The following NHLRC3 variants were observed in gnomAD, a reference collection of about 807,000 sequenced individuals.
The protein encoded by NHLRC3 is NHL repeat containing 3, also known as NHL repeat-containing protein 3.
Under a neutral mutation model 32.0 loss-of-function variants are expected in NHLRC3, and 23 were observed. That is an observed-to-expected ratio of 0.72 (90% confidence interval 0.52 to 1.02). NHLRC3 has a LOEUF of 1.02. Ranked by LOEUF, NHLRC3 falls within the 50% of genes least tolerant of loss-of-function variation. The pLI is 0.00. For synonymous variants in NHLRC3, 159 were observed against 147.9 expected, an observed-to-expected ratio of 1.08 and a Z score of -0.55; for missense variants, 407 against 406.8, an observed-to-expected ratio of 1.00 and a Z score of -0.01.
intron 4 of NHLRC3, among the ~76,000 whole-genome samples, chr13:39,043,092 T>A (rs1042035147): frequency 6.6e-5 from 10 of 152,204 alleles, no homozygotes; most frequent in African/African-American, 2.4e-4. Flanking sequence ...AGACATTCTT[T>A]TAGGATCTAC....
Position 39,047,876 on chromosome 13 carries a change from G to C in NHLRC3, c.994G>C (p.Val332Leu). ...VYVAEIGAKQ[V>L]QKYVPLNSYV... ...TGTAGCAGAAATTGGAGCAAAACAA[G>C]TACAAAAATATGTCCCTTTGAATAG... The change falls in exon 7 of 7, where the codon GTA (valine) becomes CTA (leucine). Residue 332 changes from valine to leucine, a missense_variant. Val to Leu is a conservative substitution (Grantham distance 32). Coordinates refer to ENST00000379600, the MANE Select transcript of NHLRC3 (RefSeq NM_001012754.4). 1 of 1,613,720 alleles carries C rather than the reference G, an allele frequency of 6.2e-7. No homozygotes were observed. The highest frequency in any genetic ancestry group is 8.5e-7 in the Non-Finnish European group (1 of 1,179,644).
intron 2 of NHLRC3, 121 bp from the exon 3 acceptor site, chr13:39,039,441 GAT>G: frequency 1.8e-6 from 2 of 1,116,644 alleles, no homozygotes; most frequent in Non-Finnish European, 2.5e-6. Context: ...GAATGTGAAA[GAT>G]ATGTTAGATT....
intron 1 of NHLRC3, 175 bp downstream of exon 1, chr13:39,038,898 A>G (rs1322288682): frequency 1.5e-6 from 1 of 660,662 alleles, no homozygotes; most frequent in Non-Finnish European, 2.7e-6. Context: ...TGTGTATGTT[A>G]CATCGCCATT....
chr13:39,044,045 G>A (rs1390671165), intron 4 of NHLRC3, 45 bp from the exon 5 acceptor site: 1 of 1,296,432 alleles, frequency 7.7e-7, no homozygotes, highest in Admixed American at 1.7e-5. Context: ...AAATGCATGA[G>A]ACATTCTATA....
intron 5 of NHLRC3, among the ~76,000 whole-genome samples, chr13:39,046,055 T>C (rs111237407): frequency 0.028 from 4,252 of 152,154 alleles, 89 homozygotes; most frequent in Middle Eastern, 0.048. Context: ...TCCTGCCGGG[T>C]GCGGTGGCTC....
rs902905990 is a variant in NHLRC3 at position 39,048,845 on chromosome 13, TTTTC to T, written c.*923_*926del. The T allele has an allele frequency of 5.2e-5, 8 of 152,616 alleles. No individual in the cohort carries two copies. The highest frequency in any genetic ancestry group is 1.9e-4 in the African/African-American group (8 of 41,442). 9.5% of individuals were successfully genotyped at this position (152,616 alleles called of 1,614,324 possible). On this transcript the variant is annotated 3_prime_UTR_variant, in exon 7 of 7. Coordinates refer to ENST00000379600, the MANE Select transcript of NHLRC3 (RefSeq NM_001012754.4). ...GATTGTAGAGCTTCCTTCTCTTTTTTTTTCTTTTTCTTTCTTTTGTTTTACATGA... is the reference window on the plus strand; with the variant it reads ...GATTGTAGAGCTTCCTTCTCTTTTTTTTTTTCTTTCTTTTGTTTTACATGA...
chr13:39,039,793 G>A, intron 3 of NHLRC3, 82 bp downstream of exon 3: 2 of 990,642 alleles, frequency 2.0e-6, no homozygotes, highest in South Asian at 1.8e-5. Flanking sequence ...TTTAAAATCA[G>A]AGTTGCTGAA....
In NHLRC3 at chr13:39,039,709, G is replaced by A. The variant is rs1239238264; in HGVS notation, c.383G>A (p.Ser128Asn). Residue 128 changes from serine (S) to asparagine (N), a missense_variant and splice_region_variant, in exon 3 of 7, where the codon AGT becomes AAT. Ser to Asn is a conservative substitution (Grantham distance 46, BLOSUM62 1). Transcript: ENST00000379600. ...TCCGTCTGGATCACGGATGTAGGAA[G>A]TGGTATGTATAGTAATATCTATTAA... Reference protein sequence around the residue: ...EQSVWITDVGSGFFGHTVKKY... With the variant: ...EQSVWITDVGNGFFGHTVKKY... 1 of 1,609,502 alleles carries A rather than the reference G, an allele frequency of 6.2e-7. No homozygotes were observed. Among genetic ancestry groups the A allele is most frequent in the East Asian group, 2.2e-5 (1 of 44,828 alleles).
Position 39,038,503 on chromosome 13 carries a change from A to G in NHLRC3, c.-137A>G. 2 of 721,960 alleles carry G rather than the reference A, an allele frequency of 2.8e-6. 1 individual carries two copies. Among genetic ancestry groups the G allele is most frequent in the South Asian group, 3.1e-5 (2 of 63,648 alleles). 44.7% of individuals were successfully genotyped at this position (721,960 alleles called of 1,614,324 possible). A position where few individuals can be genotyped will look rare whatever the true frequency, so the allele number is the denominator to read the frequency against. ...TTTCGTACTCAAAGCTCGTGCATCC[A>G]GGGAGGGGAAACCGGAGATAGGGTC... On this transcript the variant is annotated 5_prime_UTR_variant, in exon 1 of 7. Coordinates refer to ENST00000379600, the MANE Select transcript of NHLRC3 (RefSeq NM_001012754.4).
chr13:39,047,093 T>G lies in NHLRC3; in HGVS notation c.732T>G (p.Thr244=), dbSNP rs758718666. The change falls in exon 6 of 7, where the codon ACT becomes ACG. Residue 244 remains threonine (T), a synonymous_variant. Coordinates refer to ENST00000379600, the MANE Select transcript of NHLRC3 (RefSeq NM_001012754.4). ...GAATCCAAGTATTTGATAAAGACAC[T>G]GGGGAGTGGTTAGGAGCATGGAATA... is the stretch of plus-strand genomic sequence containing the variant. ...NKRIQVFDKD[T]GEWLGAWNNC... The G allele has an allele frequency of 1.2e-6, 2 of 1,613,250 alleles. No individual in the cohort carries two copies. The highest frequency in any genetic ancestry group is 1.7e-6 in the Non-Finnish European group (2 of 1,179,542).
chr13:39,039,433 A>T lies in NHLRC3; in HGVS notation c.238-131A>T, dbSNP rs928800420. Reference sequence around the variant, plus strand: ...TTGGTCTCAAGTATTTTGGTTTCGAATGTGAAAGATATGTTAGATTTTGAA... The same window carrying T: ...TTGGTCTCAAGTATTTTGGTTTCGATTGTGAAAGATATGTTAGATTTTGAA... On this transcript the variant is annotated intron_variant, in intron 2 of 6. Coordinates refer to ENST00000379600, the MANE Select transcript of NHLRC3 (RefSeq NM_001012754.4). The T allele has an allele frequency of 1.9e-5, 21 of 1,110,176 alleles. No homozygotes were observed. In the Admixed American group the frequency reaches 3.7e-4, roughly 20 times the overall value. 68.8% of individuals were successfully genotyped at this position (1,110,176 alleles called of 1,614,324 possible).
intron 2 of NHLRC3, 119 bp downstream of exon 2, chr13:39,039,407 G>A (rs1871362612): frequency 9.2e-7 from 1 of 1,086,146 alleles, no homozygotes; most frequent in Admixed American, 2.4e-5. Context: ...TTATTTTTGA[G>A]TTGGTCTCAA....
At chr13:39,044,017 C>A (rs916222217) in intron 4 of NHLRC3, 73 bp from the exon 5 acceptor site, 2 of 1,064,560 alleles carry the variant, frequency 1.9e-6, no homozygotes, top group African/African-American at 3.1e-5. Context: ...TCTTTGTAAC[C>A]TGTTTCATAA....
intron 1 of NHLRC3, 79 bp from the exon 2 acceptor site, chr13:39,039,057 C>A: frequency 1.1e-6 from 1 of 932,676 alleles, no homozygotes; most frequent in Non-Finnish European, 1.7e-6. Flanking sequence ...AAAATAAGCC[C>A]TGTTACCCGG....
At chr13:39,046,426 TA>T (rs1871681255) in intron 5 of NHLRC3, among the ~76,000 whole-genome samples, 1 of 152,252 alleles carries the variant, frequency 6.6e-6, no homozygotes, top group African/African-American at 2.4e-5. Flanking sequence ...AGTTCCTTAA[TA>T]ACCCATTACA....
chr13:39,038,870 C>A (rs529033253), intron 1 of NHLRC3, 147 bp downstream of exon 1: 3 of 732,870 alleles, frequency 4.1e-6, no homozygotes, highest in Non-Finnish European at 7.1e-6. Context: ...CTGCCTTGAC[C>A]CTTTGAGTTT....
intron 6 of NHLRC3, 33 bp downstream of exon 6, chr13:39,047,185 T>C: frequency 7.9e-7 from 1 of 1,266,732 alleles, no homozygotes; most frequent in South Asian, 1.2e-5. Context: ...AAATGCTTGT[T>C]TTAGTTAGTG....
At chr13:39,044,767 A>G (rs1871605111) in intron 5 of NHLRC3, among the ~76,000 whole-genome samples, 1 of 152,126 alleles carries the variant, frequency 6.6e-6, no homozygotes, top group Non-Finnish European at 1.5e-5. Context: ...CATTTACTCA[A>G]TTTCTAAGCA....
At chr13:39,043,701 C>T (rs761606675) in intron 4 of NHLRC3, among the ~76,000 whole-genome samples, 1 of 152,132 alleles carries the variant, frequency 6.6e-6, no homozygotes, top group South Asian at 2.1e-4. Context: ...CACCGTAGTG[C>T]GTAATAAAGG....
Sources: allele counts gnomAD v4.1 joint callset (sites outside exome capture counted in the v4.1 genomes callset), GRCh38; gene constraint gnomAD v4.1.1; transcripts MANE v1.5; gene names NCBI Gene and HGNC (gene_info 2026-07-23, HGNC 2026-07-21).